Variants in GDI2 observed in about 807,000 individuals in gnomAD.
GDI2 encodes the protein GDP dissociation inhibitor 2, also known as rab GDP dissociation inhibitor beta.
Under a neutral mutation model 54.2 loss-of-function variants are expected in GDI2, and 22 were observed. The observed-to-expected ratio is 0.41, with a 90% confidence interval of 0.29 to 0.58. The LOEUF is 0.58. Among genes scored for constraint, GDI2 ranks in the 20% least tolerant of loss-of-function variants. The pLI is 0.35. For synonymous variants in GDI2, 177 were observed against 182.1 expected, an observed-to-expected ratio of 0.97 and a Z score of 0.23; for missense variants, 422 against 546.0, an observed-to-expected ratio of 0.77 and a Z score of 2.26.
chr10:5,788,668 C>G (rs531169127), intron 4 of GDI2, among the ~76,000 whole-genome samples: 169 of 152,256 alleles, frequency 1.1e-3, no homozygotes, highest in Non-Finnish European at 1.5e-3. Context: ...CAAAGCTACC[C>G]TGGACCACAT....
At chr10:5,804,768 A>G (rs1168831459) in intron 1 of GDI2, among the ~76,000 whole-genome samples, 1 of 151,862 alleles carries the variant, frequency 6.6e-6, no homozygotes, top group Non-Finnish European at 1.5e-5. Context: ...GTACCACAGC[A>G]GAGTTGGGCA....
At chr10:5,796,221 G>A (rs979684895) in intron 3 of GDI2, among the ~76,000 whole-genome samples, 17 of 151,694 alleles carry the variant, frequency 1.1e-4, no homozygotes, top group Non-Finnish European at 1.3e-4. Flanking sequence ...GTGGTGGCAC[G>A]CACCTGTAAT....
intron 6 of GDI2, among the ~76,000 whole-genome samples, chr10:5,783,611 G>C (rs1403093095): frequency 2.0e-5 from 3 of 152,076 alleles, no homozygotes; most frequent in Non-Finnish European, 2.9e-5. Context: ...TCAAGATTTG[G>C]AGCTCCTTTT....
At chr10:5,795,815 G>A (rs1444753853) in intron 3 of GDI2, among the ~76,000 whole-genome samples, 2 of 152,076 alleles carry the variant, frequency 1.3e-5, no homozygotes, top group Non-Finnish European at 2.9e-5. Context: ...CAGGTGTGGT[G>A]GGACACTGAA....
At chr10:5,775,540 T>C (rs1446338932) in intron 6 of GDI2, among the ~76,000 whole-genome samples, 2 of 151,892 alleles carry the variant, frequency 1.3e-5, no homozygotes, top group Admixed American at 1.3e-4. Context: ...GAGATGAAAA[T>C]TGTAGGGGAA....
rs78168040 is a variant in GDI2 at position 5,776,903 on chromosome 10, G to A, written c.720-2962C>T. On this transcript the variant is annotated intron_variant, in intron 6 of 10. Coordinates refer to ENST00000380191, the MANE Select transcript of GDI2 (RefSeq NM_001494.4). The surrounding 1 kb of genome is among the most constrained non-coding windows in gnomAD (Gnocchi z 5.3). ...AAGAGGGGAGAAGAGGAAATAATGC[G>A]AAAACAGTTAATCCAGCAAAAAAAT... 1.5e-3 allele frequency: 1,211 copies of A among 815,776 alleles called. 12 individuals carry two copies. In the African/African-American group the frequency reaches 0.019, roughly 13 times the overall value. 50.5% of individuals were successfully genotyped at this position (815,776 alleles called of 1,614,324 possible).
chr10:5,772,720 G>A (rs1404198640), intron 7 of GDI2, among the ~76,000 whole-genome samples: 1 of 152,178 alleles, frequency 6.6e-6, no homozygotes, highest in Non-Finnish European at 1.5e-5. Context: ...TCACGCCACT[G>A]CACTCCAGCC....
chr10:5,795,901 A>T (rs182331368), intron 3 of GDI2, among the ~76,000 whole-genome samples: 390 of 152,210 alleles, frequency 2.6e-3, no homozygotes, highest in Non-Finnish European at 3.6e-3. Flanking sequence ...AGCCTGGGTG[A>T]CAGAGTGAAA....
chr10:5,769,395 T>C (rs776268505), intron 7 of GDI2: 1 of 151,566 alleles, frequency 6.6e-6, no homozygotes, highest in Non-Finnish European at 1.5e-5. Flanking sequence ...AACATGGAGA[T>C]ACCTCGTCTC....
At chr10:5,797,839 A>G (rs1488210912) in intron 2 of GDI2, among the ~76,000 whole-genome samples, 3 of 152,228 alleles carry the variant, frequency 2.0e-5, no homozygotes, top group Non-Finnish European at 1.5e-5. Flanking sequence ...ACAAATAGCA[A>G]TCATCTAAAT....
chr10:5,767,675 A>C (rs1378738821), intron 8 of GDI2, among the ~76,000 whole-genome samples: 1 of 152,194 alleles, frequency 6.6e-6, no homozygotes, highest in African/African-American at 2.4e-5. Flanking sequence ...TTTAAGCTGA[A>C]TTTTAGATAA....
intron 4 of GDI2, among the ~76,000 whole-genome samples, chr10:5,791,850 A>C (rs2131705097): frequency 6.6e-6 from 1 of 152,252 alleles, no homozygotes; most frequent in African/African-American, 2.4e-5. Flanking sequence ...CAGGAGACAG[A>C]GGTTGCAGTG....
chr10:5,802,424 C>G (rs541260405), intron 1 of GDI2, among the ~76,000 whole-genome samples: 1 of 152,132 alleles, frequency 6.6e-6, no homozygotes, highest in East Asian at 1.9e-4. Flanking sequence ...CATGGTGAAA[C>G]CCCATCTCTA....
chr10:5,768,728 G>A lies in GDI2; in HGVS notation c.820-344C>T. ...AAGTTGCAAAGACCATTCAATGAGG[G>A]GAAAAAAAGTCATTTCAACAAACCG... is the stretch of plus-strand genomic sequence containing the variant. On this transcript the variant is annotated intron_variant, in intron 7 of 10. Transcript: ENST00000380191. The surrounding 1 kb of genome is among the most constrained non-coding windows in gnomAD (Gnocchi z 4.4). 1 of 178,582 alleles carries A rather than the reference G, an allele frequency of 5.6e-6. No homozygotes were observed. The highest frequency in any genetic ancestry group is 1.5e-4 in the East Asian group (1 of 6,776). 11.1% of individuals were successfully genotyped at this position (178,582 alleles called of 1,614,324 possible).
intron 4 of GDI2, among the ~76,000 whole-genome samples, chr10:5,788,871 TC>T (rs1193055768): frequency 2.0e-5 from 3 of 151,976 alleles, no homozygotes; most frequent in African/African-American, 7.2e-5. Flanking sequence ...CAAGCAATAC[TC>T]CCACCTAAGC....
rs1588973726 is a variant in GDI2, at chr10:5,782,164, G to A, written c.719+2978C>T. 2.6e-5 allele frequency among the ~76,000 whole-genome samples: 4 copies of A among 152,276 alleles called. No homozygotes were observed. In the East Asian group the frequency reaches 7.7e-4, roughly 29 times the overall value. ...GAAAGACAATCCAATCTTTAGAAAT[G>A]TGCAAAAGACTTGAACAATCACAGC... On this transcript the variant is annotated intron_variant, in intron 6 of 10. Transcript: ENST00000380191.
rs558571650 is a variant in GDI2, at chr10:5,802,713, T to C, written c.46-2008A>G. On this transcript the variant is annotated intron_variant, in intron 1 of 10. Coordinates refer to ENST00000380191, the MANE Select transcript of GDI2 (RefSeq NM_001494.4). Reference sequence around the variant, plus strand: ...TCAGTGACAATACTAACAAATATGATGTTTTGATAATGTAAAATGAAACAT... The same window carrying C: ...TCAGTGACAATACTAACAAATATGACGTTTTGATAATGTAAAATGAAACAT... Among the ~76,000 whole-genome samples the C allele has an allele frequency of 2.0e-5, 3 of 152,342 alleles. No individual in the cohort carries two copies. In the South Asian group the frequency reaches 6.2e-4, roughly 32 times the overall value.
chr10:5,803,858 A>G (rs1841319763), intron 1 of GDI2, among the ~76,000 whole-genome samples: 1 of 152,186 alleles, frequency 6.6e-6, no homozygotes, highest in African/African-American at 2.4e-5. Context: ...GAGACAAAGG[A>G]AATTCCATGT....
rs1840399256 is a variant in GDI2 at position 5,768,071 on chromosome 10, A to T, written c.991+142T>A. On this transcript the variant is annotated intron_variant, in intron 8 of 10. Transcript: ENST00000380191. The surrounding 1 kb of genome is among the most constrained non-coding windows in gnomAD (Gnocchi z 4.4). ...GACACAATGCTGCCGGAGCAGGAGG[A>T]GGTACAAAGATTTTTTTCCCCCATA... is the stretch of plus-strand genomic sequence containing the variant. The T allele has an allele frequency of 1.6e-6, 1 of 625,858 alleles. No individual in the cohort carries two copies. Among genetic ancestry groups the T allele is most frequent in the African/African-American group, 1.9e-5 (1 of 51,510 alleles). 38.8% of individuals were successfully genotyped at this position (625,858 alleles called of 1,614,324 possible).
Sources: gnomAD v4.1 joint callset for allele counts (sites outside exome capture counted in the v4.1 genomes callset) on GRCh38, gnomAD v4.1.1 for gene constraint, Gnocchi (gnomAD v3.1) non-coding constraint, MANE v1.5 for transcripts, NCBI Gene and HGNC (gene_info 2026-07-23, HGNC 2026-07-21) for gene names.